ITPR1: variants seen among roughly 807,000 people sequenced by gnomAD.
ITPR1 encodes the protein inositol 1,4,5-trisphosphate receptor type 1, also known as inositol 1,4,5-trisphosphate-gated calcium channel ITPR1.
In ITPR1, 96 loss-of-function variants were observed where a neutral mutation model predicts 318.4. That is an observed-to-expected ratio of 0.30 (90% confidence interval 0.26 to 0.36). ITPR1 has a LOEUF of 0.36. Ranked by LOEUF, ITPR1 falls within the 10% of genes least tolerant of loss-of-function variation. The probability of loss-of-function intolerance (pLI) is 1.00; values close to 1 mark genes in which losing one functional copy is unlikely to be tolerated. For synonymous variants in ITPR1, 1,312 were observed against 1,289.9 expected, an observed-to-expected ratio of 1.02 and a Z score of -0.37; for missense variants, 2,440 against 3,460.2, an observed-to-expected ratio of 0.71 and a Z score of 7.40.
At chr3:4,705,595 G>A (rs2094740237) in intron 36 of ITPR1, among the ~76,000 whole-genome samples, 1 of 152,144 alleles carries the variant, frequency 6.6e-6, no homozygotes, top group Non-Finnish European at 1.5e-5. Context: ...GTACTAGTCA[G>A]GAGTCCTGTA....
chr3:4,724,815 G>GT (rs2042393753), intron 40 of ITPR1, among the ~76,000 whole-genome samples: 3 of 152,124 alleles, frequency 2.0e-5, no homozygotes, highest in African/African-American at 7.2e-5. Context: ...TCATCCATGG[G>GT]CTGGAAATTA....
intron 44 of ITPR1, among the ~76,000 whole-genome samples, chr3:4,754,257 C>T (rs76606651): frequency 4.6e-5 from 7 of 152,266 alleles, no homozygotes; most frequent in Admixed American, 6.5e-5. Flanking sequence ...TCGCTCTCCA[C>T]GATGCAGATT....
chr3:4,676,691 C>T lies in ITPR1; in HGVS notation c.2857C>T (p.Pro953Ser). ...GGTGCTCCGGGGAGGAGGCTTTTTG[C>T]CCATGACTCCCATGGCTGCTGCCCC... ...QVVLRGGGFLPMTPMAAAPEG... is the reference protein window; with the variant it reads ...QVVLRGGGFLSMTPMAAAPEG... The change falls in exon 24 of 62, where the codon CCC becomes TCC. Residue 953 changes from proline (P) to serine (S), a missense_variant. Around this residue, in one of 23 missense-constraint regions of ITPR1, gnomAD observed 478 missense variants for 696.3 expected, o/e 0.69. Coordinates refer to ENST00000649015, the MANE Select transcript of ITPR1 (RefSeq NM_001378452.1). 6.2e-7 allele frequency: 1 copy of T among 1,613,472 alleles called. No individual in the cohort carries two copies. Among genetic ancestry groups the T allele is most frequent in the South Asian group, 1.1e-5 (1 of 91,004 alleles).
rs776215237 is a variant in ITPR1 at position 4,662,069 on chromosome 3, CCT to C, written c.1252-12_1252-11del. ...CCAAGAGATTATCTCACAAGGACCA[CCT>C]TGAATTTCAGATTGGCACCTCTCCT... On this transcript the variant is annotated splice_polypyrimidine_tract_variant and intron_variant, in intron 14 of 61. Coordinates refer to ENST00000649015, the MANE Select transcript of ITPR1 (RefSeq NM_001378452.1). 6.2e-7 allele frequency: 1 copy of C among 1,611,042 alleles called. No individual in the cohort carries two copies. The highest frequency in any genetic ancestry group is 8.5e-7 in the Non-Finnish European group (1 of 1,177,854).
chr3:4,566,604 GCA>G lies in ITPR1; in HGVS notation c.163+45548_163+45549del, dbSNP rs57756103. Among the ~76,000 whole-genome samples the G allele has an allele frequency of 5.4e-3, 756 of 140,954 alleles. 7 individuals carry two copies. Among genetic ancestry groups the G allele is most frequent in the African/African-American group, 0.017 (630 of 37,098 alleles). 92.5% of individuals were successfully genotyped at this position (140,954 alleles called of 152,430 possible). A position where few individuals can be genotyped will look rare whatever the true frequency, so the allele number is the denominator to read the frequency against. On this transcript the variant is annotated intron_variant, in intron 4 of 61. Transcript: ENST00000649015. ...CCAGGAAGCCTGAATGGGGACACATGCACACACACACACACACACACACACAC... is the reference window on the plus strand; with the variant it reads ...CCAGGAAGCCTGAATGGGGACACATGCACACACACACACACACACACACAC...
chr3:4,633,779 T>C (rs562729901), intron 5 of ITPR1, among the ~76,000 whole-genome samples: 54 of 152,326 alleles, frequency 3.5e-4, no homozygotes, highest in South Asian at 6.2e-4. Flanking sequence ...GCACCTACAT[T>C]GTTTTGTTCT....
At chr3:4,688,767 C>T in intron 31 of ITPR1, 147 bp downstream of exon 31, 2 of 792,050 alleles carry the variant, frequency 2.5e-6, no homozygotes, top group East Asian at 5.5e-5. Flanking sequence ...CATCACTTAT[C>T]ACGAGGACAT....
intron 4 of ITPR1, among the ~76,000 whole-genome samples, chr3:4,552,827 A>G (rs2085704630): frequency 6.6e-6 from 1 of 152,126 alleles, no homozygotes; most frequent in South Asian, 2.1e-4. Flanking sequence ...GCTGCCAGCT[A>G]CCAGTCAACT....
Position 4,585,818 on chromosome 3 carries a change from G to A in ITPR1, c.164-41945G>A, listed in dbSNP as rs548742577. ...AAGTTCTGGGTTACATGTGCAGAAC[G>A]TGCAGTTTTGTTACATAGGTATTCA... is the stretch of plus-strand genomic sequence containing the variant. On this transcript the variant is annotated intron_variant, in intron 4 of 61. Coordinates refer to ENST00000649015, the MANE Select transcript of ITPR1 (RefSeq NM_001378452.1). Among the ~76,000 whole-genome samples, 26 of 151,966 alleles carry A rather than the reference G, an allele frequency of 1.7e-4. 1 individual carries two copies. In the East Asian group the frequency reaches 4.1e-3, roughly 24 times the overall value.
chr3:4,530,524 C>T (rs529400491), intron 4 of ITPR1, among the ~76,000 whole-genome samples: 23 of 152,328 alleles, frequency 1.5e-4, no homozygotes, highest in African/African-American at 3.8e-4. Flanking sequence ...TGGCTCATGC[C>T]TGCAATCCCA....
intron 4 of ITPR1, among the ~76,000 whole-genome samples, chr3:4,590,172 T>C (rs1319515230): frequency 8.2e-6 from 1 of 121,228 alleles, no homozygotes; most frequent in East Asian, 2.4e-4. Flanking sequence ...CTCTTCGTCT[T>C]GCTTTTTTTT....
intron 52 of ITPR1, among the ~76,000 whole-genome samples, chr3:4,794,576 T>C (rs189436523): frequency 9.1e-4 from 139 of 152,324 alleles, no homozygotes; most frequent in African/African-American, 3.1e-3. Flanking sequence ...GTGGAAATGA[T>C]ACCAGCCCTA....
chr3:4,781,920 C>A (rs1437556722), intron 49 of ITPR1, among the ~76,000 whole-genome samples: 1 of 152,086 alleles, frequency 6.6e-6, no homozygotes. Flanking sequence ...GAGGTCAGGG[C>A]TATAGTGAGC....
chr3:4,623,267 G>A (rs933046665), intron 4 of ITPR1, among the ~76,000 whole-genome samples: 28 of 152,270 alleles, frequency 1.8e-4, no homozygotes, highest in African/African-American at 6.5e-4. Context: ...GGCCTGTTCT[G>A]TCTGGCTTCT....
intron 44 of ITPR1, chr3:4,749,904 G>A (rs1208301272): frequency 6.5e-6 from 1 of 152,752 alleles, no homozygotes; most frequent in Non-Finnish European, 1.5e-5. Context: ...GGCCAGGTTG[G>A]GCTGGATTTC....
chr3:4,651,609 G>A (rs1223881955), intron 10 of ITPR1, among the ~76,000 whole-genome samples: 1 of 152,190 alleles, frequency 6.6e-6, no homozygotes, highest in Admixed American at 6.5e-5. Context: ...ATTCTCTGCA[G>A]TGTCTAATTG....
At chr3:4,546,329 C>T (rs7616234) in intron 4 of ITPR1, among the ~76,000 whole-genome samples, 14,952 of 152,150 alleles carry the variant, frequency 0.098, 1,043 homozygotes, top group East Asian at 0.32. Context: ...TCATCTGCTT[C>T]TATGTCATTT....
chr3:4,696,887 G>C (rs1013115439), intron 33 of ITPR1, among the ~76,000 whole-genome samples: 4 of 152,016 alleles, frequency 2.6e-5, no homozygotes, highest in Non-Finnish European at 5.9e-5. Context: ...ATTTCAAATA[G>C]TCAAACTTGT....
chr3:4,783,269 T>C (rs1203553922), intron 50 of ITPR1, among the ~76,000 whole-genome samples: 2 of 152,148 alleles, frequency 1.3e-5, no homozygotes, highest in Non-Finnish European at 1.5e-5. Context: ...CTTTCTCTTT[T>C]TGGATGCCGA....
Sources: allele counts gnomAD v4.1 joint callset (sites outside exome capture counted in the v4.1 genomes callset), GRCh38; gene constraint gnomAD v4.1.1; regional missense constraint gnomAD v4.1.1; transcripts MANE v1.5; gene names NCBI Gene and HGNC (gene_info 2026-07-23, HGNC 2026-07-21).